The following DMXL2 variants were observed in gnomAD, a reference collection of about 807,000 sequenced individuals.
DMXL2 encodes Dmx like 2.
DMXL2 carries 103 observed loss-of-function variants against 331.1 expected under a neutral mutation model. That is an observed-to-expected ratio of 0.31 (90% CI 0.27 to 0.37). The LOEUF (loss-of-function observed/expected upper bound fraction) is 0.37, where lower values mean the gene tolerates loss of function less well. Ranked by LOEUF, DMXL2 falls within the 10% of genes least tolerant of loss-of-function variation. The pLI, the probability that DMXL2 is intolerant of heterozygous loss-of-function variation, is 1.00. For missense variants in DMXL2, 3,171 were observed against 3,642.9 expected, an observed-to-expected ratio of 0.87 and a Z score of 3.33; for synonymous variants, 1,281 against 1,252.1, an observed-to-expected ratio of 1.02 and a Z score of -0.49.
At chr15:51,463,302 A>G (rs531375883) in intron 33 of DMXL2, 77 bp downstream of exon 33, 2 of 912,902 alleles carry the variant, frequency 2.2e-6, no homozygotes, top group South Asian at 3.2e-5. Context: ...TTCAGAATAA[A>G]TCAAGCACTG....
chr15:51,559,008 C>G (rs2049784078), intron 6 of DMXL2, among the ~76,000 whole-genome samples: 1 of 152,120 alleles, frequency 6.6e-6, no homozygotes, highest in Non-Finnish European at 1.5e-5. Context: ...ATAGGCTTCA[C>G]TAGATTTGCA....
intron 4 of DMXL2, 61 bp from the exon 5 acceptor site, chr15:51,564,321 T>C (rs1596274203): frequency 7.6e-7 from 1 of 1,317,976 alleles, no homozygotes; most frequent in Non-Finnish European, 1.0e-6. Flanking sequence ...TAAATGCACA[T>C]GGGCTTCTGT....
chr15:51,555,669 A>C (rs2049516765), intron 6 of DMXL2, among the ~76,000 whole-genome samples: 1 of 152,198 alleles, frequency 6.6e-6, no homozygotes, highest in South Asian at 2.1e-4. Context: ...AAACTGAAGA[A>C]GAAATCACTA....
intron 3 of DMXL2, chr15:51,568,149 T>G (rs1053665790): frequency 4.8e-6 from 1 of 206,996 alleles, no homozygotes; most frequent in African/African-American, 2.3e-5. Context: ...CATGATCTCC[T>G]CTGTTGAGAA....
At chr15:51,480,391 T>TA (rs1485371364) in intron 24 of DMXL2, 151 bp downstream of exon 24, 1 of 1,009,090 alleles carries the variant, frequency 9.9e-7, no homozygotes, top group Non-Finnish European at 1.4e-6. Flanking sequence ...CTAAGACACA[T>TA]AGAGTATAAA....
chr15:51,465,416 A>G, intron 31 of DMXL2, 150 bp downstream of exon 31: 1 of 682,496 alleles, frequency 1.5e-6, no homozygotes, highest in Non-Finnish European at 2.5e-6. Flanking sequence ...ATAAAGTCAC[A>G]GATTGGAGCC....
At chr15:51,465,806 C>A (rs946494540) in intron 30 of DMXL2, among the ~76,000 whole-genome samples, 155 bp from the exon 31 acceptor site, 1 of 152,186 alleles carries the variant, frequency 6.6e-6, no homozygotes, top group African/African-American at 2.4e-5. Context: ...TCTGTGGTCA[C>A]TGAATACAAA....
At chr15:51,621,612 G>C (rs1214008890) in intron 1 of DMXL2, among the ~76,000 whole-genome samples, 1 of 152,120 alleles carries the variant, frequency 6.6e-6, no homozygotes, top group African/African-American at 2.4e-5. Context: ...CTCTCAAAAA[G>C]GACTGATGAG....
chr15:51,453,191 T>C (rs2039309399), intron 41 of DMXL2: 3 of 191,646 alleles, frequency 1.6e-5, no homozygotes, highest in Non-Finnish European at 3.2e-5. Flanking sequence ...CTAAAGAACT[T>C]ATCCATGTAA....
chr15:51,566,480 G>T (rs1356445159), intron 3 of DMXL2, among the ~76,000 whole-genome samples: 4 of 151,746 alleles, frequency 2.6e-5, no homozygotes, highest in African/African-American at 9.7e-5. Context: ...CTTTCCTTTA[G>T]TGTTCCTCAG....
chr15:51,486,414 G>A (rs1376147445), intron 22 of DMXL2, 77 bp from the exon 23 acceptor site: 6 of 1,097,682 alleles, frequency 5.5e-6, no homozygotes, highest in South Asian at 1.6e-5. Flanking sequence ...TCAATACCCT[G>A]AAATTATCTA....
At chr15:51,622,133 C>A (rs1438936018) in intron 1 of DMXL2, among the ~76,000 whole-genome samples, 4 of 152,214 alleles carry the variant, frequency 2.6e-5, no homozygotes, top group African/African-American at 9.6e-5. Flanking sequence ...GGGTTTCAGC[C>A]GCACCACCAC....
At chr15:51,615,704 AT>A (rs936616437) in intron 1 of DMXL2, among the ~76,000 whole-genome samples, 1 of 152,244 alleles carries the variant, frequency 6.6e-6, no homozygotes, top group African/African-American at 2.4e-5. Flanking sequence ...GGAAAGGTAC[AT>A]GATGATAATA....
chr15:51,558,093 G>A (rs1340030726), intron 6 of DMXL2, among the ~76,000 whole-genome samples: 8 of 152,164 alleles, frequency 5.3e-5, no homozygotes, highest in African/African-American at 1.2e-4. Context: ...GGTCTTCTAG[G>A]AGCTGGTTAT....
chr15:51,622,341 G>A (rs904188243), intron 1 of DMXL2, 118 bp downstream of exon 1: 6 of 1,360,156 alleles, frequency 4.4e-6, no homozygotes, highest in Middle Eastern at 2.5e-4. Flanking sequence ...AAGGGGCCAC[G>A]GGTGGGGCCC....
chr15:51,488,984 CT>C (rs765419438), intron 20 of DMXL2, among the ~76,000 whole-genome samples: 4 of 152,106 alleles, frequency 2.6e-5, no homozygotes, highest in Non-Finnish European at 4.4e-5. Context: ...GATAAAGTGA[CT>C]GAGACAGAAA....
chr15:51,520,355 C>A (rs1297567988), intron 13 of DMXL2, among the ~76,000 whole-genome samples: 2 of 152,192 alleles, frequency 1.3e-5, no homozygotes, highest in Non-Finnish European at 2.9e-5. Flanking sequence ...GAGGACAAAT[C>A]ACTCAGCAAG....
At chr15:51,576,244 TAC>T in intron 1 of DMXL2, 63 bp from the exon 2 acceptor site, 1 of 1,210,760 alleles carries the variant, frequency 8.3e-7, no homozygotes, top group Non-Finnish European at 1.1e-6. Flanking sequence ...GAAATCTTAT[TAC>T]ATACTATTTT....
chr15:51,506,147 A>T (rs1435897408), intron 16 of DMXL2, among the ~76,000 whole-genome samples: 1 of 152,148 alleles, frequency 6.6e-6, no homozygotes, highest in African/African-American at 2.4e-5. Context: ...GTCTCGGCTC[A>T]TTGCAGCCTC....
Sources: gnomAD v4.1 joint callset for allele counts (sites outside exome capture counted in the v4.1 genomes callset) on GRCh38, gnomAD v4.1.1 for gene constraint, MANE v1.5 for transcripts, NCBI Gene and HGNC (gene_info 2026-07-23, HGNC 2026-07-21) for gene names.